PALM2AKAP2: variants seen among roughly 807,000 people sequenced by gnomAD.
The protein encoded by PALM2AKAP2 is PALM2 and AKAP2 fusion.
In PALM2AKAP2, 37 loss-of-function variants were observed where a neutral mutation model predicts 71.5. The observed-to-expected ratio is 0.52, with a 90% confidence interval of 0.40 to 0.68. The LOEUF is 0.68. PALM2AKAP2 is among the 30% of genes least tolerant of loss of function. The probability of loss-of-function intolerance (pLI) is 0.00; values close to 1 mark genes in which losing one functional copy is unlikely to be tolerated. For missense variants in PALM2AKAP2, 1,224 were observed against 1,191.8 expected (o/e 1.03, Z -0.40); for synonymous variants, 468 against 478.8 (o/e 0.98, Z 0.29).
At chr9:110,080,280 A>G (rs1026008670) in intron 1 of PALM2AKAP2, among the ~76,000 whole-genome samples, 4 of 152,132 alleles carry the variant, frequency 2.6e-5, no homozygotes, top group African/African-American at 2.4e-5. Flanking sequence ...CAGGAGACCA[A>G]TGATAGTGAT....
At chr9:110,015,924 C>G in intron 6 of PALM2AKAP2, 30 bp from the exon 7 acceptor site, 1 of 1,597,288 alleles carries the variant, frequency 6.3e-7, no homozygotes, top group Non-Finnish European at 8.6e-7. Flanking sequence ...AATGACTTGG[C>G]TCAAATGGCA....
intron 6 of PALM2AKAP2, among the ~76,000 whole-genome samples, chr9:109,975,651 G>T (rs1832159457): frequency 6.6e-6 from 1 of 152,192 alleles, no homozygotes; most frequent in South Asian, 2.1e-4. Flanking sequence ...ACTGGGCTTT[G>T]AGTGTCGACT....
At chr9:110,053,608 C>A in intron 1 of PALM2AKAP2, among the ~76,000 whole-genome samples, 1 of 151,600 alleles carries the variant, frequency 6.6e-6, no homozygotes. Flanking sequence ...AATTTGTTCC[C>A]ATCTTGGTGA....
intron 1 of PALM2AKAP2, among the ~76,000 whole-genome samples, chr9:110,117,057 A>T (rs1835378813): frequency 6.6e-6 from 1 of 152,152 alleles, no homozygotes; most frequent in African/African-American, 2.4e-5. Flanking sequence ...TGCTTTTCCA[A>T]TTACAATACT....
chr9:109,790,153 C>T (rs538945793), intron 1 of PALM2AKAP2, among the ~76,000 whole-genome samples: 32 of 152,282 alleles, frequency 2.1e-4, no homozygotes, highest in African/African-American at 5.3e-4. Flanking sequence ...GTGGGCCAGA[C>T]GTCGGAACAC....
intron 6 of PALM2AKAP2, among the ~76,000 whole-genome samples, chr9:109,946,918 T>A (rs1033648196): frequency 2.0e-5 from 3 of 152,204 alleles, no homozygotes; most frequent in African/African-American, 7.2e-5. Flanking sequence ...TTCTTTCTTT[T>A]AGTGTGCAAT....
rs927606135 is a variant in PALM2AKAP2, at chr9:110,136,211, A to G, written c.241A>G (p.Ser81Gly). ...TGCCACCCTCCTGGAGCCTGCTGCC[A>G]GCTCTCTTTCCCCAGATCACAAAAA... The change falls in exon 2 of 4, where the codon AGC (serine) becomes GGC (glycine). Residue 81 changes from serine to glycine, a missense_variant. By Grantham distance (56) the Ser-to-Gly change is moderately conservative. Coordinates refer to ENST00000374525, the Ensembl canonical transcript of PALM2AKAP2. 3.7e-6 allele frequency: 6 copies of G among 1,614,006 alleles called. No homozygotes were observed. The highest frequency in any genetic ancestry group is 5.1e-6 in the Non-Finnish European group (6 of 1,179,998).
At chr9:109,829,342 T>G (rs756289361) in intron 1 of PALM2AKAP2, among the ~76,000 whole-genome samples, 3 of 152,182 alleles carry the variant, frequency 2.0e-5, no homozygotes, top group Non-Finnish European at 4.4e-5. Flanking sequence ...TAGCATTTAG[T>G]GCATTTATTA....
Position 109,668,928 on chromosome 9 carries a change from A to G in PALM2AKAP2, c.5+28062A>G, listed in dbSNP as rs182322577. 2.6e-3 allele frequency among the ~76,000 whole-genome samples: 389 copies of G among 152,326 alleles called. 2 individuals are homozygous for G. Among genetic ancestry groups the G allele is most frequent in the South Asian group, 9.5e-3 (46 of 4,834 alleles). On this transcript the variant is annotated intron_variant, in intron 1 of 6. Transcript: ENST00000374531. Reference sequence around the variant, plus strand: ...ATGTGATCATCAACAGCTGGGACCTATCTTGATACTCTCAAAGCTTAGGTC... The same window carrying G: ...ATGTGATCATCAACAGCTGGGACCTGTCTTGATACTCTCAAAGCTTAGGTC...
At chr9:109,685,354 C>A (rs1827793041) in intron 1 of PALM2AKAP2, among the ~76,000 whole-genome samples, 1 of 152,100 alleles carries the variant, frequency 6.6e-6, no homozygotes, top group African/African-American at 2.4e-5. Context: ...GTAAAACTTT[C>A]TAAATATACA....
chr9:109,992,499 C>T (rs962928941), intron 6 of PALM2AKAP2, among the ~76,000 whole-genome samples: 6 of 152,208 alleles, frequency 3.9e-5, no homozygotes, highest in African/African-American at 1.4e-4. Flanking sequence ...TCATGACTCA[C>T]TGCAGCCTTC....
Position 110,093,839 on chromosome 9 carries a change from G to A in PALM2AKAP2, c.157-42288G>A, listed in dbSNP as rs117778795. 6.0e-3 allele frequency among the ~76,000 whole-genome samples: 916 copies of A among 152,334 alleles called. 2 individuals carry two copies. Among genetic ancestry groups the A allele is most frequent in the Non-Finnish European group, 8.4e-3 (569 of 68,040 alleles). Reference sequence around the variant, plus strand: ...CTTTTAAGACTCAGTTCAGATGACAGTTTCTCTGAGAAGCATTCTTTGATT... The same window carrying A: ...CTTTTAAGACTCAGTTCAGATGACAATTTCTCTGAGAAGCATTCTTTGATT... On this transcript the variant is annotated intron_variant, in intron 1 of 3. Transcript: ENST00000374525.
At chr9:109,742,289 ACACACACACACACT>A (rs2118687752) in intron 1 of PALM2AKAP2, among the ~76,000 whole-genome samples, 1 of 83,158 alleles carries the variant, frequency 1.2e-5, no homozygotes, top group African/African-American at 5.3e-5. Context: ...ACACACACAC[ACACACACACACACT>A]CTCACAGCCA....
chr9:109,745,033 TTTCAGCATTTA>T, intron 1 of PALM2AKAP2, among the ~76,000 whole-genome samples: 1 of 152,270 alleles, frequency 6.6e-6, no homozygotes, highest in South Asian at 2.1e-4. Flanking sequence ...CCAAGCAACT[TTTCAGCATTTA>T]TTCAGCATTT....
At chr9:109,688,988 G>A (rs1199788372) in intron 1 of PALM2AKAP2, among the ~76,000 whole-genome samples, 3 of 152,146 alleles carry the variant, frequency 2.0e-5, no homozygotes, top group Non-Finnish European at 2.9e-5. Context: ...AGATCCTGCA[G>A]TTCTTCCATA....
intron 7 of PALM2AKAP2, among the ~76,000 whole-genome samples, chr9:110,020,228 G>A (rs189925338): frequency 1.3e-5 from 2 of 152,292 alleles, no homozygotes; most frequent in East Asian, 3.9e-4. Context: ...TGATAAAGGT[G>A]TCTATTTTAG....
At chr9:110,064,703 G>A (rs1834038079) in intron 1 of PALM2AKAP2, among the ~76,000 whole-genome samples, 1 of 152,204 alleles carries the variant, frequency 6.6e-6, no homozygotes, top group Non-Finnish European at 1.5e-5. Context: ...GGAATCCCAA[G>A]CTGTCACACT....
intron 6 of PALM2AKAP2, among the ~76,000 whole-genome samples, chr9:109,974,684 C>G (rs981258379): frequency 3.3e-5 from 5 of 152,084 alleles, no homozygotes; most frequent in African/African-American, 4.8e-5. Context: ...TAAGAAATAC[C>G]ATTTTCTCAT....
chr9:110,132,530 A>G (rs966771865), intron 1 of PALM2AKAP2, among the ~76,000 whole-genome samples: 12 of 151,986 alleles, frequency 7.9e-5, no homozygotes, highest in East Asian at 1.9e-4. Flanking sequence ...GGGTTTCACC[A>G]TGTTGGTCAG....
Sources: gnomAD v4.1 joint callset for allele counts (sites outside exome capture counted in the v4.1 genomes callset) on GRCh38, gnomAD v4.1.1 for gene constraint, MANE v1.5 for transcripts, NCBI Gene and HGNC (gene_info 2026-07-23, HGNC 2026-07-21) for gene names.